The following CYP39A1 variants were observed in gnomAD, a reference collection of about 807,000 sequenced individuals.
The protein encoded by CYP39A1 is cytochrome P450 family 39 subfamily A member 1.
In CYP39A1, 49 loss-of-function variants were observed where a neutral mutation model predicts 58.1. The observed-to-expected ratio is 0.84, with a 90% confidence interval of 0.67 to 1.07. The LOEUF (loss-of-function observed/expected upper bound fraction) is 1.07, where lower values mean the gene tolerates loss of function less well. Ranked by LOEUF, CYP39A1 falls within the 50% of genes least tolerant of loss-of-function variation. The pLI, the probability that CYP39A1 is intolerant of heterozygous loss-of-function variation, is 0.00. For synonymous variants in CYP39A1, 209 were observed against 187.6 expected (o/e 1.11, Z -0.93); for missense variants, 531 against 539.4 (o/e 0.98, Z 0.16).
intron 7 of CYP39A1, among the ~76,000 whole-genome samples, chr6:46,600,564 C>G (rs1773429111): frequency 6.6e-6 from 1 of 152,092 alleles, no homozygotes; most frequent in African/African-American, 2.4e-5. Flanking sequence ...GGGAGGTGGG[C>G]TGGGGATTCA....
chr6:46,570,095 T>C (rs1771499838), intron 10 of CYP39A1, among the ~76,000 whole-genome samples: 1 of 152,098 alleles, frequency 6.6e-6, no homozygotes, highest in Non-Finnish European at 1.5e-5. Flanking sequence ...AGGTTTTATG[T>C]TTCTGGAAAT....
At chr6:46,576,834 T>C (rs762475768) in intron 10 of CYP39A1, among the ~76,000 whole-genome samples, 1 of 152,122 alleles carries the variant, frequency 6.6e-6, no homozygotes, top group Non-Finnish European at 1.5e-5. Context: ...CTTTTAGAAA[T>C]ATGGGATTAT....
At chr6:46,603,943 G>A (rs546344550) in intron 7 of CYP39A1, among the ~76,000 whole-genome samples, 34 of 152,118 alleles carry the variant, frequency 2.2e-4, no homozygotes, top group South Asian at 6.2e-4. Context: ...TGTAGTCTTC[G>A]CTGTACATAT....
Position 46,604,005 on chromosome 6 carries a change from C to A in CYP39A1, c.932-7885G>T, listed in dbSNP as rs568838956. ...AATGCCTAGCATAGTATCTGGATAA[C>A]CCTGTAAAATATGCTTATTTTACAA... is the stretch of plus-strand genomic sequence containing the variant. On this transcript the variant is annotated intron_variant, in intron 7 of 11. Transcript: ENST00000275016. Among the ~76,000 whole-genome samples, 106 of 152,224 alleles carry A rather than the reference C, an allele frequency of 7.0e-4. 1 individual carries two copies. The South Asian group carries it at 0.021, about 30-fold the overall frequency.
chr6:46,635,843 G>A lies in CYP39A1; in HGVS notation c.732+546C>T, dbSNP rs147152663. On this transcript the variant is annotated intron_variant, in intron 5 of 11. Transcript: ENST00000275016. ...CCCCCAAAGTGCTGGGATTACAGGC[G>A]TGAGCCACCATGCCTGGCCTACTGC... Among the ~76,000 whole-genome samples the A allele has an allele frequency of 2.7e-3, 410 of 152,264 alleles. 1 individual carries two copies. The highest frequency in any genetic ancestry group is 9.1e-3 in the African/African-American group (377 of 41,554).
At chr6:46,586,333 G>T (rs1366302436) in intron 10 of CYP39A1, 22 of 983,768 alleles carry the variant, frequency 2.2e-5, no homozygotes, top group Non-Finnish European at 1.9e-5. Context: ...TCATAAACAG[G>T]TACTGACATT....
chr6:46,627,133 AACTC>A (rs1197728715), intron 6 of CYP39A1, among the ~76,000 whole-genome samples: 1 of 152,106 alleles, frequency 6.6e-6, no homozygotes, highest in Non-Finnish European at 1.5e-5. Flanking sequence ...ATATTATGAG[AACTC>A]ACTCACTATC....
intron 1 of CYP39A1, among the ~76,000 whole-genome samples, chr6:46,651,719 T>C (rs1762706466): frequency 6.6e-6 from 1 of 152,166 alleles, no homozygotes; most frequent in African/African-American, 2.4e-5. Context: ...CAGAAAGTAT[T>C]ATAATTCATA....
chr6:46,610,824 T>C (rs575033142), intron 7 of CYP39A1, among the ~76,000 whole-genome samples: 101 of 152,332 alleles, frequency 6.6e-4, no homozygotes, highest in African/African-American at 2.2e-3. Flanking sequence ...TTTATTTAGA[T>C]TGTTTTAAAA....
In CYP39A1 at chr6:46,552,813, T is replaced by A. The variant is rs148715031; in HGVS notation, c.1338+954A>T. The stretch of plus-strand genomic sequence containing the variant: ...GAAATGCAAATTCTGGGCCAGGTGC[T>A]GTGGCTCATGCCTGTAATCCCAGCA... On this transcript the variant is annotated intron_variant, in intron 11 of 11. Transcript: ENST00000275016. Among the ~76,000 whole-genome samples the A allele has an allele frequency of 3.5e-3, 531 of 152,246 alleles. 3 individuals carry two copies. The highest frequency in any genetic ancestry group is 0.012 in the African/African-American group (501 of 41,564).
In CYP39A1 at chr6:46,639,682, A is replaced by C. The variant is rs1776209864; in HGVS notation, c.314-14T>G. 7 of 1,602,676 alleles carry C rather than the reference A, an allele frequency of 4.4e-6. No individual in the cohort carries two copies. The highest frequency in any genetic ancestry group is 4.3e-6 in the Non-Finnish European group (5 of 1,173,666). ...TTGGAATTGATGCTATGAACAAAGAAAACTATTTTCAAAATAAGCAACAAC... is the reference window on the plus strand; with the variant it reads ...TTGGAATTGATGCTATGAACAAAGACAACTATTTTCAAAATAAGCAACAAC... On this transcript the variant is annotated splice_polypyrimidine_tract_variant and intron_variant, in intron 2 of 11. Coordinates refer to ENST00000275016, the MANE Select transcript of CYP39A1 (RefSeq NM_016593.5).
intron 8 of CYP39A1, among the ~76,000 whole-genome samples, chr6:46,592,380 A>G (rs1772891538): frequency 1.3e-5 from 2 of 152,214 alleles, no homozygotes; most frequent in Non-Finnish European, 2.9e-5. Flanking sequence ...TTCTGGGAAC[A>G]TATCGTTAAA....
At chr6:46,636,994 G>C (rs1776030537) in intron 4 of CYP39A1, among the ~76,000 whole-genome samples, 1 of 152,130 alleles carries the variant, frequency 6.6e-6, no homozygotes, top group African/African-American at 2.4e-5. Context: ...AGGAGGTGGG[G>C]GTCTTTGGAT....
chr6:46,638,414 C>T (rs1336346126), intron 3 of CYP39A1, among the ~76,000 whole-genome samples: 4 of 152,130 alleles, frequency 2.6e-5, no homozygotes, highest in Non-Finnish European at 4.4e-5. Flanking sequence ...TCACAGGATC[C>T]CATAAATTCA....
intron 10 of CYP39A1, among the ~76,000 whole-genome samples, chr6:46,575,420 T>C (rs1213595646): frequency 6.6e-6 from 1 of 152,196 alleles, no homozygotes; most frequent in Non-Finnish European, 1.5e-5. Context: ...GGTCCCTGCC[T>C]GGCTGCAACC....
At chr6:46,591,589 T>C (rs1331060439) in intron 8 of CYP39A1, among the ~76,000 whole-genome samples, 1 of 152,118 alleles carries the variant, frequency 6.6e-6, no homozygotes, top group Non-Finnish European at 1.5e-5. Context: ...ATTTTAACAA[T>C]TTCTCAGTTT....
At chr6:46,553,611 T>C (rs1045597616) in intron 11 of CYP39A1, among the ~76,000 whole-genome samples, 156 bp downstream of exon 11, 2 of 152,144 alleles carry the variant, frequency 1.3e-5, no homozygotes, top group Admixed American at 1.3e-4. Flanking sequence ...GGAGACCGAG[T>C]ATCTTCTCAG....
chr6:46,643,131 G>C (rs564539047), intron 1 of CYP39A1, among the ~76,000 whole-genome samples: 1 of 152,248 alleles, frequency 6.6e-6, no homozygotes, highest in African/African-American at 2.4e-5. Flanking sequence ...GGGTTTGATA[G>C]CAGGGGTCTA....
chr6:46,626,652 T>C (rs1340966034), intron 6 of CYP39A1, among the ~76,000 whole-genome samples: 1 of 152,208 alleles, frequency 6.6e-6, no homozygotes. Flanking sequence ...GTCCTCAATT[T>C]AGAGGCTTTC....
Sources: allele counts gnomAD v4.1 joint callset (sites outside exome capture counted in the v4.1 genomes callset), GRCh38; gene constraint gnomAD v4.1.1; transcripts MANE v1.5; gene names NCBI Gene and HGNC (gene_info 2026-07-23, HGNC 2026-07-21).